SLF1: variants seen among roughly 807,000 people sequenced by gnomAD.
SLF1 encodes the protein SMC5-SMC6 complex localization factor protein 1.
Under a neutral mutation model 123.0 loss-of-function variants are expected in SLF1, and 105 were observed. The observed-to-expected ratio is 0.85, with a 90% CI of 0.73 to 1.00. The LOEUF (loss-of-function observed/expected upper bound fraction) is 1.00. SLF1 is among the 50% of genes least tolerant of loss of function. The probability of loss-of-function intolerance (pLI) is 0.00; values close to 1 mark genes in which losing one functional copy is unlikely to be tolerated. For synonymous variants in SLF1, 434 were observed against 406.6 expected (o/e 1.07, Z -0.81); for missense variants, 1,239 against 1,223.0 (o/e 1.01, Z -0.20).
chr5:94,630,124 A>T (rs1745043983), intron 3 of SLF1, among the ~76,000 whole-genome samples: 1 of 152,240 alleles, frequency 6.6e-6, no homozygotes, highest in African/African-American at 2.4e-5. Context: ...CAAAATAGTG[A>T]ATAATGATAG....
intron 4 of SLF1, among the ~76,000 whole-genome samples, chr5:94,632,338 C>G (rs879466125): frequency 1.3e-5 from 2 of 152,060 alleles, no homozygotes; most frequent in Non-Finnish European, 2.9e-5. Context: ...GGTTTCTTAA[C>G]TTAGTCTTTT....
At chr5:94,647,493 A>C (rs968024628) in intron 5 of SLF1, among the ~76,000 whole-genome samples, 1 of 152,190 alleles carries the variant, frequency 6.6e-6, no homozygotes, top group African/African-American at 2.4e-5. Flanking sequence ...CATTGCCACA[A>C]CTGTGTTGCC....
intron 4 of SLF1, among the ~76,000 whole-genome samples, chr5:94,633,034 C>T (rs1037814327): frequency 4.0e-5 from 6 of 150,828 alleles, no homozygotes; most frequent in South Asian, 2.1e-4. Flanking sequence ...CTTGTTGCCC[C>T]GGCTGGAGTG....
intron 9 of SLF1, among the ~76,000 whole-genome samples, chr5:94,657,662 T>G (rs1177540401): frequency 6.6e-6 from 1 of 152,078 alleles, no homozygotes; most frequent in East Asian, 1.9e-4. Context: ...TGTTACTGTG[T>G]TGAAGTCTCT....
intron 9 of SLF1, among the ~76,000 whole-genome samples, chr5:94,655,906 A>G (rs991997933): frequency 1.3e-5 from 2 of 151,966 alleles, no homozygotes; most frequent in African/African-American, 4.8e-5. Context: ...GAGAGGGACA[A>G]TTTTACTTTT....
chr5:94,658,167 T>G (rs1748644615), intron 9 of SLF1, among the ~76,000 whole-genome samples: 2 of 151,622 alleles, frequency 1.3e-5, no homozygotes, highest in South Asian at 4.1e-4. Context: ...TTTTTGTTTT[T>G]TTTTTTTTAG....
intron 1 of SLF1, among the ~76,000 whole-genome samples, chr5:94,624,556 G>A (rs1169914055): frequency 6.6e-6 from 1 of 151,920 alleles, no homozygotes; most frequent in East Asian, 1.9e-4. Flanking sequence ...TTGTAAAATA[G>A]CTATTAACAT....
At chr5:94,619,243 C>T (rs552013355) in intron 1 of SLF1, among the ~76,000 whole-genome samples, 5 of 152,266 alleles carry the variant, frequency 3.3e-5, no homozygotes, top group African/African-American at 9.6e-5. Context: ...GGCCCACTTT[C>T]CTGTGACGAA....
At chr5:94,674,460 T>A (rs982072764) in intron 14 of SLF1, among the ~76,000 whole-genome samples, 4 of 152,232 alleles carry the variant, frequency 2.6e-5, no homozygotes, top group African/African-American at 9.6e-5. Context: ...TTGAATTGCT[T>A]AAATTGATAT....
At chr5:94,680,891 G>A (rs1751681905) in intron 15 of SLF1, among the ~76,000 whole-genome samples, 1 of 152,118 alleles carries the variant, frequency 6.6e-6, no homozygotes, top group Admixed American at 6.5e-5. Context: ...CTGAACCTTA[G>A]TGTTACTATT....
At chr5:94,643,187 A>G in intron 4 of SLF1, 86 bp from the exon 5 acceptor site, 1 of 1,084,998 alleles carries the variant, frequency 9.2e-7, no homozygotes, top group Non-Finnish European at 1.3e-6. Flanking sequence ...GTCCATTCGT[A>G]CTCCTAAGAA....
intron 9 of SLF1, among the ~76,000 whole-genome samples, chr5:94,661,665 T>G (rs1749133360): frequency 6.6e-6 from 1 of 151,418 alleles, no homozygotes; most frequent in African/African-American, 2.4e-5. Flanking sequence ...CTCCTGAGAG[T>G]AGCTAGGATT....
At chr5:94,651,633 C>T in intron 6 of SLF1, 69 bp from the exon 7 acceptor site, 1 of 1,280,476 alleles carries the variant, frequency 7.8e-7, no homozygotes, top group Non-Finnish European at 1.0e-6. Context: ...TCTTTTGTGA[C>T]TTGTGTTGAT....
At chr5:94,665,015 T>C (rs1749578128) in intron 11 of SLF1, among the ~76,000 whole-genome samples, 1 of 152,220 alleles carries the variant, frequency 6.6e-6, no homozygotes, top group African/African-American at 2.4e-5. Flanking sequence ...AAAAATTTCC[T>C]TCACTACTGA....
intron 4 of SLF1, among the ~76,000 whole-genome samples, chr5:94,640,207 A>AT (rs1746289652): frequency 1.3e-5 from 2 of 152,022 alleles, no homozygotes; most frequent in Non-Finnish European, 2.9e-5. Context: ...GATTTATCTC[A>AT]TTTTTTATTT....
At chr5:94,691,718 T>A in intron 19 of SLF1, 62 bp downstream of exon 19, 4 of 1,212,332 alleles carry the variant, frequency 3.3e-6, no homozygotes, top group Non-Finnish European at 4.6e-6. Context: ...TAAACAGTTT[T>A]ATATCACATT....
chr5:94,685,697 A>G (rs964806315), intron 15 of SLF1, among the ~76,000 whole-genome samples: 27 of 151,846 alleles, frequency 1.8e-4, no homozygotes, highest in African/African-American at 6.5e-4. Flanking sequence ...ATTATCCACC[A>G]TCTGGCACGC....
intron 14 of SLF1, among the ~76,000 whole-genome samples, chr5:94,673,534 A>G (rs1750710177): frequency 6.6e-6 from 1 of 151,922 alleles, no homozygotes; most frequent in African/African-American, 2.4e-5. Context: ...AACAAAACCA[A>G]AAATAAAACA....
Position 94,680,623 on chromosome 5 carries a change from T to A in SLF1, c.1975+1668T>A, listed in dbSNP as rs546949278. On this transcript the variant is annotated intron_variant, in intron 15 of 20. Transcript: ENST00000265140. Reference sequence around the variant, plus strand: ...TTTAGAGATTATCAGGATAGTTAGATGTCTTGTTTCCAATACATAGTAATT... The same window carrying A: ...TTTAGAGATTATCAGGATAGTTAGAAGTCTTGTTTCCAATACATAGTAATT... 1.4e-4 allele frequency among the ~76,000 whole-genome samples: 22 copies of A among 152,328 alleles called. No homozygotes were observed. The East Asian group carries it at 4.0e-3, about 28-fold the overall frequency.
Sources: gnomAD v4.1 joint callset for allele counts (sites outside exome capture counted in the v4.1 genomes callset) on GRCh38, gnomAD v4.1.1 for gene constraint, MANE v1.5 for transcripts, NCBI Gene and HGNC (gene_info 2026-07-23, HGNC 2026-07-21) for gene names.